CSGALNACT1: variants seen among roughly 807,000 people sequenced by gnomAD.
The protein encoded by CSGALNACT1 is chondroitin sulfate N-acetylgalactosaminyltransferase 1.
A neutral mutation model predicts 51.0 loss-of-function variants in CSGALNACT1; 52 were observed. That is an observed-to-expected ratio of 1.02 (90% CI 0.82 to 1.29). The LOEUF (loss-of-function observed/expected upper bound fraction) is 1.29, where lower values mean the gene tolerates loss of function less well. Ranked by LOEUF, CSGALNACT1 falls within the 50% of genes most tolerant of loss-of-function variation. The pLI is 0.00. For synonymous variants in CSGALNACT1, 341 were observed against 254.4 expected, an observed-to-expected ratio of 1.34 and a Z score of -3.24; for missense variants, 935 against 679.2, an observed-to-expected ratio of 1.38 and a Z score of -4.19.
intron 1 of CSGALNACT1, among the ~76,000 whole-genome samples, chr8:19,703,558 C>A (rs1410705434): frequency 1.3e-5 from 2 of 152,176 alleles, no homozygotes; most frequent in African/African-American, 4.8e-5. Context: ...CCGCCTGGGC[C>A]TCCCAAAGTG....
At chr8:19,572,635 C>G (rs977181124) in intron 3 of CSGALNACT1, among the ~76,000 whole-genome samples, 7 of 152,192 alleles carry the variant, frequency 4.6e-5, no homozygotes, top group Non-Finnish European at 1.5e-5. Flanking sequence ...TATCTACCCA[C>G]CTGCAAATAA....
chr8:19,491,008 T>G (rs1263933298), intron 4 of CSGALNACT1, among the ~76,000 whole-genome samples: 1 of 152,066 alleles, frequency 6.6e-6, no homozygotes, highest in Non-Finnish European at 1.5e-5. Context: ...CATATCTTAT[T>G]GCAAAGTATA....
chr8:19,486,840 T>C (rs934651782), intron 4 of CSGALNACT1, among the ~76,000 whole-genome samples: 11 of 152,160 alleles, frequency 7.2e-5, no homozygotes, highest in Non-Finnish European at 1.6e-4. Flanking sequence ...GCAACGTAGA[T>C]TTTGTCTCAG....
intron 1 of CSGALNACT1, among the ~76,000 whole-genome samples, chr8:19,658,756 A>ACAC (rs1207196670): frequency 6.6e-6 from 1 of 151,994 alleles, no homozygotes; most frequent in Non-Finnish European, 1.5e-5. Context: ...ACAACAAAAA[A>ACAC]CACCACCACC....
chr8:19,505,791 A>T (rs1460084100), exon 4 of CSGALNACT1: 1 of 1,613,554 alleles, frequency 6.2e-7, no homozygotes, highest in South Asian at 1.1e-5. Flanking sequence ...CAAAACCACC[A>T]CCCGGGAAAT....
intron 2 of CSGALNACT1, among the ~76,000 whole-genome samples, chr8:19,594,768 T>G (rs982608025): frequency 6.6e-6 from 1 of 151,880 alleles, no homozygotes; most frequent in Non-Finnish European, 1.5e-5. Context: ...GCCAGGCTGG[T>G]CTCGAACTCC....
At chr8:19,426,118 G>A (rs932344285) in intron 6 of CSGALNACT1, among the ~76,000 whole-genome samples, 1 of 152,112 alleles carries the variant, frequency 6.6e-6, no homozygotes, top group Admixed American at 6.5e-5. Flanking sequence ...TGCAGTAAAC[G>A]GCACACACGG....
At chr8:19,665,496 T>C (rs2059112709) in intron 1 of CSGALNACT1, among the ~76,000 whole-genome samples, 1 of 152,158 alleles carries the variant, frequency 6.6e-6, no homozygotes, top group Non-Finnish European at 1.5e-5. Flanking sequence ...CGGGTAAACA[T>C]TTGACGGAAT....
rs536741032 is a variant in CSGALNACT1, at chr8:19,715,256, T to C, written c.-297+42594A>G. 5.9e-5 allele frequency among the ~76,000 whole-genome samples: 9 copies of C among 152,120 alleles called. No individual in the cohort carries two copies. In the East Asian group the frequency reaches 1.5e-3, roughly 26 times the overall value. Reference sequence around the variant, plus strand: ...ATGATTCAAATTATTTCCCACTAGGTCCCTCCCACAACACGTGGGAATTAT... The same window carrying C: ...ATGATTCAAATTATTTCCCACTAGGCCCCTCCCACAACACGTGGGAATTAT... On this transcript the variant is annotated intron_variant, in intron 1 of 1. Coordinates refer to the CSGALNACT1 transcript ENST00000517494.
intron 4 of CSGALNACT1, among the ~76,000 whole-genome samples, chr8:19,500,955 G>C (rs145954148): frequency 6.6e-6 from 1 of 152,090 alleles, no homozygotes; most frequent in Non-Finnish European, 1.5e-5. Context: ...AGGATAAAAG[G>C]CATAAGGGCA....
intron 3 of CSGALNACT1, among the ~76,000 whole-genome samples, chr8:19,525,223 G>A (rs112762425): frequency 5.9e-5 from 9 of 152,110 alleles, no homozygotes; most frequent in East Asian, 1.9e-4. Flanking sequence ...TTAAACAAAC[G>A]TGAAAATGGC....
At chr8:19,623,507 C>T (rs2054085341) in intron 1 of CSGALNACT1, among the ~76,000 whole-genome samples, 1 of 152,174 alleles carries the variant, frequency 6.6e-6, no homozygotes, top group Non-Finnish European at 1.5e-5. Context: ...TAACACTCTT[C>T]AATACTATAT....
chr8:19,442,830 C>T (rs2061541367), intron 5 of CSGALNACT1, among the ~76,000 whole-genome samples: 2 of 152,128 alleles, frequency 1.3e-5, no homozygotes, highest in South Asian at 2.1e-4. Flanking sequence ...AACACAGAGT[C>T]TTAAAGACTG....
At chr8:19,685,627 T>C (rs1204015900), upstream of CSGALNACT1, among the ~76,000 whole-genome samples, 1 of 152,224 alleles carries the variant, frequency 6.6e-6, no homozygotes, top group East Asian at 1.9e-4. Flanking sequence ...CTATCAACCT[T>C]AATATGATTT....
At chr8:19,478,294 G>C (rs1161006578) in intron 4 of CSGALNACT1, among the ~76,000 whole-genome samples, 1 of 151,456 alleles carries the variant, frequency 6.6e-6, no homozygotes, top group African/African-American at 2.4e-5. Flanking sequence ...GGCACCTGTA[G>C]TCCCAGCTAC....
chr8:19,674,257 C>T (rs76071841), intron 1 of CSGALNACT1, among the ~76,000 whole-genome samples: 4,191 of 152,072 alleles, frequency 0.028, 198 homozygotes, highest in African/African-American at 0.095. Flanking sequence ...AGTGCCACTG[C>T]GCTCCAGCCT....
At chr8:19,664,182 C>T (rs894404754) in intron 1 of CSGALNACT1, among the ~76,000 whole-genome samples, 3 of 152,102 alleles carry the variant, frequency 2.0e-5, no homozygotes, top group African/African-American at 4.8e-5. Flanking sequence ...TTATGTTGAA[C>T]GTGTTTTTCA....
rs1011199370 is a variant in CSGALNACT1 at position 19,756,512 on chromosome 8, C to G, written c.-297+1338G>C. Among the ~76,000 whole-genome samples, 16 of 152,102 alleles carry G rather than the reference C, an allele frequency of 1.1e-4. No individual in the cohort carries two copies. In the East Asian group the frequency reaches 1.4e-3, roughly 13 times the overall value. On this transcript the variant is annotated intron_variant, in intron 1 of 1. Coordinates refer to the CSGALNACT1 transcript ENST00000517494. ...GACAGGAATGCAGGTGCAGGAAGTG[C>G]GACGGAAACAAACAACTTTGCCTCC...
chr8:19,619,949 T>C (rs2053602164), intron 1 of CSGALNACT1, among the ~76,000 whole-genome samples: 1 of 152,172 alleles, frequency 6.6e-6, no homozygotes, highest in Admixed American at 6.5e-5. Context: ...TTCTAAATTC[T>C]AGTTCTCTAA....
Sources: allele counts gnomAD v4.1 joint callset (sites outside exome capture counted in the v4.1 genomes callset), GRCh38; gene constraint gnomAD v4.1.1; transcripts MANE v1.5; gene names NCBI Gene and HGNC (gene_info 2026-07-23, HGNC 2026-07-21).